The following ERO1B variants were observed in gnomAD, a reference collection of about 807,000 sequenced individuals.
ERO1B encodes the protein endoplasmic reticulum oxidoreductase 1 beta.
A neutral mutation model predicts 75.3 loss-of-function variants in ERO1B; 49 were observed. The ratio of observed to expected loss-of-function variants is 0.65; its 90% CI spans 0.52 to 0.83. ERO1B has a LOEUF of 0.83. ERO1B is among the 40% of genes least tolerant of loss of function. The pLI, the probability that ERO1B is intolerant of heterozygous loss-of-function variation, is 0.00. For synonymous variants in ERO1B, 191 were observed against 192.9 expected (o/e 0.99, Z 0.08); for missense variants, 512 against 560.1 (o/e 0.91, Z 0.87).
chr1:236,238,523 CTTT>C lies in ERO1B; in HGVS notation c.506-2128_506-2126del, dbSNP rs754277540. Among the ~76,000 whole-genome samples, 49 of 108,236 alleles carry C rather than the reference CTTT, an allele frequency of 4.5e-4. No homozygotes were observed. The East Asian group carries it at 9.5e-3, about 21-fold the overall frequency. 71.0% of individuals were successfully genotyped at this position (108,236 alleles called of 152,430 possible). On this transcript the variant is annotated intron_variant, in intron 6 of 15. Transcript: ENST00000354619. ...ACTACACTCCACCCTGGGCAACAGC[CTTT>C]TTTTTTTTTTTTTTAAAAAAAAAAA... is the stretch of plus-strand genomic sequence containing the variant.
intron 2 of ERO1B, among the ~76,000 whole-genome samples, chr1:236,257,901 A>G (rs1016722967): frequency 6.6e-6 from 1 of 151,398 alleles, no homozygotes; most frequent in Non-Finnish European, 1.5e-5. Flanking sequence ...AAAGAATGAA[A>G]AAGAGTGAAG....
At chr1:236,250,799 G>A (rs759496362) in intron 4 of ERO1B, among the ~76,000 whole-genome samples, 1 of 151,722 alleles carries the variant, frequency 6.6e-6, no homozygotes, top group Non-Finnish European at 1.5e-5. Context: ...AGTCCCACTA[G>A]TGAGACCACA....
Position 236,218,370 on chromosome 1 carries a change from CATAA to C in ERO1B, c.*142_*145del. The C allele has an allele frequency of 3.4e-6, 2 of 593,378 alleles. No individual in the cohort carries two copies. Among genetic ancestry groups the C allele is most frequent in the Non-Finnish European group, 4.8e-6 (2 of 419,766 alleles). The allele number at this position is 593,378 out of a possible 1,614,324, so 36.8% of individuals were successfully genotyped here. A position where few individuals can be genotyped will look rare whatever the true frequency, so the allele number is the denominator to read the frequency against. The stretch of plus-strand genomic sequence containing the variant: ...TAGTTGATAATAATCTATTAAGAAT[CATAA>C]ATATTCAAGTGAGCATTTAAATTTT... On this transcript the variant is annotated 3_prime_UTR_variant, in exon 16 of 16. Coordinates refer to ENST00000354619, the MANE Select transcript of ERO1B (RefSeq NM_019891.4).
intron 2 of ERO1B, among the ~76,000 whole-genome samples, chr1:236,261,859 G>A (rs77577440): frequency 0.014 from 2,075 of 152,208 alleles, 32 homozygotes; most frequent in African/African-American, 0.045. Flanking sequence ...ATCAGTTGAG[G>A]TCAGTACAAG....
rs77217105 is a variant in ERO1B, at chr1:236,260,701, T to C, written c.223-7196A>G. On this transcript the variant is annotated intron_variant, in intron 2 of 15. Transcript: ENST00000354619. Reference sequence around the variant, plus strand: ...AAAAGACAGACAGACCAGGACCTCATGGCTTCACCGCTGAGTTCTACCAAA... The same window carrying C: ...AAAAGACAGACAGACCAGGACCTCACGGCTTCACCGCTGAGTTCTACCAAA... Among the ~76,000 whole-genome samples, 37 of 150,092 alleles carry C rather than the reference T, an allele frequency of 2.5e-4. No individual in the cohort carries two copies. In the East Asian group the frequency reaches 6.6e-3, roughly 27 times the overall value.
intron 1 of ERO1B, among the ~76,000 whole-genome samples, chr1:236,280,597 TCAAA>T (rs1665810348): frequency 6.6e-6 from 1 of 152,210 alleles, no homozygotes; most frequent in African/African-American, 2.4e-5. Context: ...TTTTTATGGT[TCAAA>T]CACAGACACA....
intron 6 of ERO1B, among the ~76,000 whole-genome samples, chr1:236,237,643 T>C (rs902093352): frequency 2.0e-5 from 3 of 152,196 alleles, no homozygotes; most frequent in Admixed American, 1.3e-4. Context: ...TTTGTTGTCA[T>C]GAATTTAAAC....
intron 2 of ERO1B, among the ~76,000 whole-genome samples, chr1:236,266,694 C>T (rs914553031): frequency 6.6e-6 from 1 of 151,650 alleles, no homozygotes; most frequent in African/African-American, 2.4e-5. Flanking sequence ...CTTTCTTTGC[C>T]ACTGTTGTAG....
At position 236,266,603 on chromosome 1, in the gene ERO1B, CAA is replaced by C. The variant is rs575184748; in HGVS notation, c.222+3270_222+3271del. Reference sequence around the variant, plus strand: ...TGGGCAACAGAGCAAGACTCTGTCTCAAAAAAAAAAAAATTAAAATTAAAAAA... The same window carrying C: ...TGGGCAACAGAGCAAGACTCTGTCTCAAAAAAAAAAATTAAAATTAAAAAA... On this transcript the variant is annotated intron_variant, in intron 2 of 15. Coordinates refer to ENST00000354619, the MANE Select transcript of ERO1B (RefSeq NM_019891.4). Among the ~76,000 whole-genome samples the C allele has an allele frequency of 7.0e-3, 941 of 135,254 alleles. 8 individuals carry two copies. Among genetic ancestry groups the C allele is most frequent in the African/African-American group, 0.024 (903 of 36,868 alleles). 88.7% of individuals were successfully genotyped at this position (135,254 alleles called of 152,430 possible).
chr1:236,263,504 C>T (rs12098143), intron 2 of ERO1B, among the ~76,000 whole-genome samples: 146 of 152,202 alleles, frequency 9.6e-4, no homozygotes, highest in African/African-American at 3.3e-3. Context: ...CCCACCTCAG[C>T]TCCCAAAGTG....
chr1:236,263,967 T>A (rs1665355634), intron 2 of ERO1B, among the ~76,000 whole-genome samples: 1 of 151,852 alleles, frequency 6.6e-6, no homozygotes, highest in Non-Finnish European at 1.5e-5. Context: ...TTATAACTTC[T>A]AAATGGTTAT....
intron 5 of ERO1B, among the ~76,000 whole-genome samples, chr1:236,247,505 G>A (rs1226039162): frequency 2.0e-5 from 3 of 152,024 alleles, no homozygotes; most frequent in Admixed American, 6.6e-5. Flanking sequence ...CTATCACCCT[G>A]GTTTAAATCA....
chr1:236,244,355 T>G (rs2102950868), intron 5 of ERO1B, among the ~76,000 whole-genome samples: 1 of 152,356 alleles, frequency 6.6e-6, no homozygotes, highest in East Asian at 1.9e-4. Context: ...TAAGCTTGGC[T>G]GTACTACATC....
intron 2 of ERO1B, among the ~76,000 whole-genome samples, chr1:236,259,894 T>C (rs1195320562): frequency 6.6e-6 from 1 of 152,098 alleles, no homozygotes; most frequent in African/African-American, 2.4e-5. Flanking sequence ...CTACCAGATA[T>C]TTATAGAATA....
At chr1:236,241,389 A>T (rs1227241006) in intron 6 of ERO1B, among the ~76,000 whole-genome samples, 1 of 70,702 alleles carries the variant, frequency 1.4e-5, no homozygotes, top group East Asian at 3.5e-3. Context: ...ACTAAAAATA[A>T]AAAAAAAAAT....
chr1:236,255,542 C>T (rs1313746250), intron 2 of ERO1B, among the ~76,000 whole-genome samples: 3 of 152,078 alleles, frequency 2.0e-5, no homozygotes, highest in South Asian at 2.1e-4. Context: ...ACATAGTAGA[C>T]ACCTAATTAA....
intron 6 of ERO1B, 129 bp downstream of exon 6, chr1:236,243,293 T>C (rs2695061): frequency 0.26 from 144,305 of 557,298 alleles, 19,561 homozygotes; most frequent in East Asian, 0.35. Flanking sequence ...AATGCCATTA[T>C]GAATAATAAG....
At chr1:236,221,054 C>A in intron 14 of ERO1B, 89 bp from the exon 15 acceptor site, 1 of 1,007,240 alleles carries the variant, frequency 9.9e-7, no homozygotes, top group Admixed American at 3.7e-5. Context: ...ACTGTTATGC[C>A]AGTTAGGAAA....
chr1:236,230,057 A>T (rs1664365665), intron 10 of ERO1B, among the ~76,000 whole-genome samples, 167 bp downstream of exon 10: 1 of 152,172 alleles, frequency 6.6e-6, no homozygotes, highest in Non-Finnish European at 1.5e-5. Context: ...CTATCTTCAA[A>T]CTTTTCACAT....
Sources: gnomAD v4.1 joint callset for allele counts (sites outside exome capture counted in the v4.1 genomes callset) on GRCh38, gnomAD v4.1.1 for gene constraint, MANE v1.5 for transcripts, NCBI Gene and HGNC (gene_info 2026-07-23, HGNC 2026-07-21) for gene names.